Variants in SCUBE1 observed in about 807,000 individuals in gnomAD.
SCUBE1 encodes the protein signal peptide, CUB and EGF-like domain-containing protein 1.
A neutral mutation model predicts 124.4 loss-of-function variants in SCUBE1; 59 were observed. The ratio of observed to expected loss-of-function variants is 0.47; its 90% confidence interval spans 0.38 to 0.59. The LOEUF (loss-of-function observed/expected upper bound fraction) is 0.59, where lower values mean the gene tolerates loss of function less well. SCUBE1 is among the 20% of genes least tolerant of loss of function. SCUBE1 has a pLI of 0.00. For synonymous variants in SCUBE1, 545 were observed against 550.9 expected (o/e 0.99, Z 0.15); for missense variants, 1,150 against 1,371.2 (o/e 0.84, Z 2.55).
chr22:43,262,635 A>G, intron 5 of SCUBE1, 85 bp downstream of exon 5: 1 of 1,545,882 alleles, frequency 6.5e-7, no homozygotes, highest in Non-Finnish European at 8.9e-7. Context: ...TCCCTGGCCA[A>G]AGTCCAGCAG....
rs1362469798 is a variant in SCUBE1 at position 43,203,397 on chromosome 22, T to G, written c.*600A>C. The stretch of plus-strand genomic sequence containing the variant: ...ATTTATATATATATTTATATATATA[T>G]ATAGAGTACTTCATTAAATGTTCTG... On this transcript the variant is annotated 3_prime_UTR_variant, in exon 22 of 22. Transcript: ENST00000360835. 6 of 148,828 alleles carry G rather than the reference T, an allele frequency of 4.0e-5. No individual in the cohort carries two copies. The highest frequency in any genetic ancestry group is 1.5e-4 in the African/African-American group (6 of 40,882). The allele number at this position is 148,828 out of a possible 1,614,324, so 9.2% of individuals were successfully genotyped here. A position where few individuals can be genotyped will look rare whatever the true frequency, so the allele number is the denominator to read the frequency against.
At chr22:43,263,243 G>A (rs369189333) in intron 4 of SCUBE1, among the ~76,000 whole-genome samples, 4 of 152,160 alleles carry the variant, frequency 2.6e-5, no homozygotes, top group African/African-American at 4.8e-5. Context: ...CCCCCCACCC[G>A]CCCAGCAGAC....
Position 43,327,938 on chromosome 22 carries a change from A to T in SCUBE1, c.221-7873T>A, listed in dbSNP as rs79162770. On this transcript the variant is annotated intron_variant, in intron 2 of 21. Transcript: ENST00000360835. The stretch of plus-strand genomic sequence containing the variant: ...TATATCGCGATAAAGCTGTTTAAAA[A>T]TAAAAGTCAAACAAGCTAATGCTGT... 2.0e-4 allele frequency among the ~76,000 whole-genome samples: 31 copies of T among 152,356 alleles called. 1 individual carries two copies. Among genetic ancestry groups the T allele is most frequent in the African/African-American group, 6.7e-4 (28 of 41,592 alleles).
intron 4 of SCUBE1, among the ~76,000 whole-genome samples, chr22:43,280,109 G>T (rs532040743): frequency 1.3e-5 from 2 of 152,190 alleles, no homozygotes; most frequent in Admixed American, 6.5e-5. Context: ...TTCCCGGACC[G>T]CATGAATCTG....
chr22:43,289,073 T>C (rs1198458766), intron 4 of SCUBE1, among the ~76,000 whole-genome samples: 1 of 152,230 alleles, frequency 6.6e-6, no homozygotes, highest in African/African-American at 2.4e-5. Flanking sequence ...CCTGGAGTCC[T>C]GCTGGGGAGA....
chr22:43,256,002 G>T (rs1923648142), intron 6 of SCUBE1, among the ~76,000 whole-genome samples: 1 of 152,160 alleles, frequency 6.6e-6, no homozygotes, highest in Non-Finnish European at 1.5e-5. Flanking sequence ...GCAGGCACAG[G>T]ACAAGGCACA....
At chr22:43,253,258 G>T (rs547602071) in intron 6 of SCUBE1, among the ~76,000 whole-genome samples, 58 of 152,328 alleles carry the variant, frequency 3.8e-4, no homozygotes, top group African/African-American at 1.4e-3. Context: ...TACCCCACAG[G>T]CTGTTCTTAG....
At chr22:43,312,623 G>C (rs1289918310) in intron 3 of SCUBE1, among the ~76,000 whole-genome samples, 2 of 152,170 alleles carry the variant, frequency 1.3e-5, no homozygotes, top group Non-Finnish European at 2.9e-5. Context: ...GGTGGCTCAA[G>C]GATGATGTGA....
At chr22:43,289,777 C>T (rs553528820) in intron 4 of SCUBE1, among the ~76,000 whole-genome samples, 40 of 152,300 alleles carry the variant, frequency 2.6e-4, no homozygotes, top group Non-Finnish European at 4.3e-4. Flanking sequence ...TCAGTAGAGC[C>T]GCCCATGGGA....
chr22:43,307,795 T>C lies in SCUBE1; in HGVS notation c.349+12142A>G, dbSNP rs115271972. Among the ~76,000 whole-genome samples the C allele has an allele frequency of 2.6e-3, 396 of 152,278 alleles. 3 individuals are homozygous for C. The highest frequency in any genetic ancestry group is 8.8e-3 in the African/African-American group (367 of 41,550). ...CCCCACAGCATCTGAAAACCACTGA[T>C]CAAATCCCATCTTTTTATTTCACAT... On this transcript the variant is annotated intron_variant, in intron 3 of 21. Coordinates refer to ENST00000360835, the MANE Select transcript of SCUBE1 (RefSeq NM_173050.5).
intron 6 of SCUBE1, among the ~76,000 whole-genome samples, chr22:43,243,817 A>G (rs1923100016): frequency 6.6e-6 from 1 of 152,220 alleles, no homozygotes; most frequent in Non-Finnish European, 1.5e-5. Flanking sequence ...AGTGGATGCG[A>G]CAGTGCTTTG....
At position 43,255,410 on chromosome 22, in the gene SCUBE1, A is replaced by C; in HGVS notation, c.727+2809T>G. ...ACACACACGCCCATGTCCACATGCC[A>C]GTGCGCACCCGAGACACACATGTGC... On this transcript the variant is annotated intron_variant, in intron 6 of 21. Transcript: ENST00000360835. This position sits in a 1 kb window ranked among gnomAD's most constrained non-coding sequence, Gnocchi z 4.7. 8.1e-7 allele frequency: 1 copy of C among 1,228,340 alleles called. No homozygotes were observed. The allele number at this position is 1,228,340 out of a possible 1,614,324, so 76.1% of individuals were successfully genotyped here.
intron 2 of SCUBE1, among the ~76,000 whole-genome samples, chr22:43,335,142 C>T (rs1927022418): frequency 6.6e-6 from 1 of 152,148 alleles, no homozygotes; most frequent in Non-Finnish European, 1.5e-5. Flanking sequence ...ATCTGTAAAC[C>T]AAGGATGTGA....
intron 6 of SCUBE1, among the ~76,000 whole-genome samples, chr22:43,245,301 G>T (rs967472676): frequency 3.9e-5 from 6 of 152,226 alleles, no homozygotes; most frequent in African/African-American, 1.4e-4. Context: ...GCAGAGGGCC[G>T]CGCCTGGTCC....
At chr22:43,291,314 C>T (rs1319503779) in intron 3 of SCUBE1, 134 bp from the exon 4 acceptor site, 1 of 953,332 alleles carries the variant, frequency 1.0e-6, no homozygotes, top group Non-Finnish European at 1.6e-6. Flanking sequence ...GAGGGCCTCC[C>T]TGGTGCTGTG....
Position 43,296,132 on chromosome 22 carries a change from G to A in SCUBE1, c.350-4952C>T, listed in dbSNP as rs145271458. Among the ~76,000 whole-genome samples, 563 of 152,346 alleles carry A rather than the reference G, an allele frequency of 3.7e-3. 1 individual carries two copies. The highest frequency in any genetic ancestry group is 5.6e-3 in the Admixed American group (86 of 15,306). The stretch of plus-strand genomic sequence containing the variant: ...CAGGCCGTGGGCATGTAGAGTGAGC[G>A]AGGCTGCTCTGTGGCCTGCACCCTA... On this transcript the variant is annotated intron_variant, in intron 3 of 21. Transcript: ENST00000360835.
chr22:43,339,664 C>T (rs1477589276), intron 1 of SCUBE1, among the ~76,000 whole-genome samples: 1 of 134,842 alleles, frequency 7.4e-6, no homozygotes. Context: ...CCAGCCCTCC[C>T]CCATTCTCCT....
chr22:43,245,416 G>A (rs1209786770), intron 6 of SCUBE1, among the ~76,000 whole-genome samples: 1 of 152,228 alleles, frequency 6.6e-6, no homozygotes, highest in Non-Finnish European at 1.5e-5. Flanking sequence ...GGCTGCCTGG[G>A]GACACGCTGG....
Position 43,210,297 on chromosome 22 carries a change from C to T in SCUBE1, c.2384-57G>A, listed in dbSNP as rs1315733824. ...GGCTCTGCTGGGCAGGGGCCCTGGC[C>T]GGCCAGGCCTCTAACCACCTGGGAG... On this transcript the variant is annotated intron_variant, in intron 18 of 21. Coordinates refer to ENST00000360835, the MANE Select transcript of SCUBE1 (RefSeq NM_173050.5). The surrounding 1 kb of genome is among the most constrained non-coding windows in gnomAD (Gnocchi z 4.5). 1.4e-5 allele frequency: 20 copies of T among 1,431,620 alleles called. No homozygotes were observed. Among genetic ancestry groups the T allele is most frequent in the East Asian group, 1.0e-4 (4 of 39,184 alleles). The allele number at this position is 1,431,620 out of a possible 1,614,324, so 88.7% of individuals were successfully genotyped here. A position where few individuals can be genotyped will look rare whatever the true frequency, so the allele number is the denominator to read the frequency against.
Sources: allele counts gnomAD v4.1 joint callset (sites outside exome capture counted in the v4.1 genomes callset), GRCh38; gene constraint gnomAD v4.1.1; non-coding constraint Gnocchi (gnomAD v3.1); transcripts MANE v1.5; gene names NCBI Gene and HGNC (gene_info 2026-07-23, HGNC 2026-07-21).